ANO2: variants seen among roughly 807,000 people sequenced by gnomAD.
ANO2 encodes the protein anoctamin-2.
In ANO2, 101 loss-of-function variants were observed where a neutral mutation model predicts 124.2. The ratio of observed to expected loss-of-function variants is 0.81; its 90% confidence interval spans 0.69 to 0.96. The LOEUF (loss-of-function observed/expected upper bound fraction) is 0.96, where lower values mean the gene tolerates loss of function less well. ANO2 is among the 40% of genes least tolerant of loss of function. The probability of loss-of-function intolerance (pLI) is 0.00; values close to 1 mark genes in which losing one functional copy is unlikely to be tolerated. For missense variants in ANO2, 1,293 were observed against 1,274.5 expected, an observed-to-expected ratio of 1.01 and a Z score of -0.22; for synonymous variants, 486 against 482.5, an observed-to-expected ratio of 1.01 and a Z score of -0.09.
intron 20 of ANO2, among the ~76,000 whole-genome samples, chr12:5,595,534 T>C: frequency 6.6e-6 from 1 of 152,100 alleles, no homozygotes; most frequent in East Asian, 1.9e-4. Flanking sequence ...GGAGTGTCTG[T>C]TATATGCCAG....
At chr12:5,777,620 C>T (rs906856687) in intron 10 of ANO2, among the ~76,000 whole-genome samples, 1 of 152,162 alleles carries the variant, frequency 6.6e-6, no homozygotes, top group Non-Finnish European at 1.5e-5. Context: ...ACCTCCCCAC[C>T]CCCATCTTCC....
At chr12:5,753,452 C>T (rs1445671657) in intron 10 of ANO2, among the ~76,000 whole-genome samples, 1 of 152,198 alleles carries the variant, frequency 6.6e-6, no homozygotes, top group Admixed American at 6.5e-5. Flanking sequence ...GGGAGGGCAG[C>T]TTCTTGCATC....
chr12:5,583,759 T>G (rs1286600522), intron 20 of ANO2: 1 of 159,446 alleles, frequency 6.3e-6, no homozygotes, highest in African/African-American at 2.4e-5. Flanking sequence ...TTCTCCTTTT[T>G]GAGTGTTGGC....
intron 3 of ANO2, 86 bp from the exon 4 acceptor site, chr12:5,854,227 G>T: frequency 2.5e-6 from 3 of 1,222,394 alleles, no homozygotes; most frequent in Non-Finnish European, 3.5e-6. Context: ...CACACAAGGA[G>T]CCCAACCCGT....
chr12:5,654,928 T>C (rs1284650017), intron 14 of ANO2, among the ~76,000 whole-genome samples: 4 of 152,152 alleles, frequency 2.6e-5, no homozygotes, highest in African/African-American at 9.7e-5. Flanking sequence ...GGATCCTGAG[T>C]GCCACTTAAA....
At chr12:5,897,052 C>T (rs1939840511) in intron 3 of ANO2, among the ~76,000 whole-genome samples, 1 of 152,102 alleles carries the variant, frequency 6.6e-6, no homozygotes, top group Non-Finnish European at 1.5e-5. Context: ...GGTCTTAAAT[C>T]TCCCTTTTTT....
intron 14 of ANO2, among the ~76,000 whole-genome samples, chr12:5,683,798 G>A (rs1948597800): frequency 6.6e-6 from 1 of 152,064 alleles, no homozygotes; most frequent in Non-Finnish European, 1.5e-5. Flanking sequence ...GGACAGGGCA[G>A]GGTAGGGAGG....
intron 14 of ANO2, among the ~76,000 whole-genome samples, chr12:5,681,618 T>C (rs1307597611): frequency 1.3e-5 from 2 of 152,194 alleles, no homozygotes; most frequent in African/African-American, 2.4e-5. Context: ...AATGAACAAA[T>C]GCCCTACTGT....
chr12:5,563,651 G>C (rs1941581168), intron 24 of ANO2, 83 bp from the exon 25 acceptor site: 6 of 1,542,752 alleles, frequency 3.9e-6, no homozygotes, highest in Non-Finnish European at 5.3e-6. Context: ...ATGCCTCTGT[G>C]TCAATCCTGG....
intron 1 of ANO2, among the ~76,000 whole-genome samples, chr12:5,936,292 C>A (rs1942651015): frequency 6.6e-6 from 1 of 152,150 alleles, no homozygotes; most frequent in Non-Finnish European, 1.5e-5. Flanking sequence ...TATTTTTTAT[C>A]TGATGTGTCA....
intron 3 of ANO2, among the ~76,000 whole-genome samples, chr12:5,891,536 G>A (rs1759549930): frequency 2.0e-5 from 3 of 152,188 alleles, no homozygotes; most frequent in Admixed American, 2.0e-4. Context: ...AGATCACGGA[G>A]AGGCAAGAGC....
intron 14 of ANO2, among the ~76,000 whole-genome samples, chr12:5,684,867 AG>A (rs1948641623): frequency 6.6e-6 from 1 of 152,224 alleles, no homozygotes; most frequent in Non-Finnish European, 1.5e-5. Flanking sequence ...TGCTGGAGTC[AG>A]GGGTCCTGGG....
chr12:5,821,676 G>A (rs1466072204), intron 7 of ANO2, among the ~76,000 whole-genome samples: 1 of 152,172 alleles, frequency 6.6e-6, no homozygotes, highest in Non-Finnish European at 1.5e-5. Context: ...CTCTTGGCCT[G>A]TTACAGGACT....
intron 14 of ANO2, among the ~76,000 whole-genome samples, chr12:5,710,354 T>C (rs1205547968): frequency 1.3e-5 from 2 of 152,206 alleles, no homozygotes; most frequent in East Asian, 3.9e-4. Context: ...CAAGAACACT[T>C]AAGCCTCTTG....
At chr12:5,624,540 T>C (rs1945299293) in intron 16 of ANO2, among the ~76,000 whole-genome samples, 1 of 152,094 alleles carries the variant, frequency 6.6e-6, no homozygotes, top group African/African-American at 2.4e-5. Flanking sequence ...ATACGGTCAG[T>C]CCATTCTCAG....
chr12:5,766,172 T>G (rs938781057), intron 10 of ANO2, among the ~76,000 whole-genome samples: 1 of 152,194 alleles, frequency 6.6e-6, no homozygotes, highest in East Asian at 1.9e-4. Context: ...AGCATAGGTA[T>G]CCGGTATGAC....
chr12:5,654,970 A>T (rs1285404968), intron 14 of ANO2, among the ~76,000 whole-genome samples: 1 of 152,128 alleles, frequency 6.6e-6, no homozygotes, highest in South Asian at 2.1e-4. Context: ...TGATGTCACT[A>T]TGCAGTCACA....
At position 5,619,293 on chromosome 12, in the gene ANO2, C is replaced by A. The variant is rs138927595; in HGVS notation, c.1817-3996G>T. ...CGCATAATGCATTGTTTAGGAAATA[C>A]CGTATTTGGTAAAAATGTTGTAAAA... is the stretch of plus-strand genomic sequence containing the variant. On this transcript the variant is annotated intron_variant, in intron 16 of 24. Coordinates refer to ENST00000682330, the MANE Select transcript of ANO2 (RefSeq NM_001364791.2). 1.5e-3 allele frequency among the ~76,000 whole-genome samples: 235 copies of A among 152,264 alleles called. 7 individuals carry two copies. The highest frequency in any genetic ancestry group is 0.014 in the Admixed American group (218 of 15,294).
chr12:5,886,959 C>T (rs975772862), intron 3 of ANO2, among the ~76,000 whole-genome samples: 5 of 152,064 alleles, frequency 3.3e-5, no homozygotes, highest in South Asian at 2.1e-4. Flanking sequence ...TAGTGTGTGA[C>T]GGGTACAGAG....
Sources: allele counts gnomAD v4.1 joint callset (sites outside exome capture counted in the v4.1 genomes callset), GRCh38; gene constraint gnomAD v4.1.1; transcripts MANE v1.5; gene names NCBI Gene and HGNC (gene_info 2026-07-23, HGNC 2026-07-21).